Variants in NAALADL2 observed in about 807,000 individuals in gnomAD.
NAALADL2 encodes N-acetylated alpha-linked acidic dipeptidase like 2, also known as inactive N-acetylated-alpha-linked acidic dipeptidase-like protein 2.
In NAALADL2, 76 loss-of-function variants were observed where a neutral mutation model predicts 87.2. That is an observed-to-expected ratio of 0.87 (90% confidence interval 0.72 to 1.05). NAALADL2 has a LOEUF of 1.05. Ranked by LOEUF, NAALADL2 falls within the 50% of genes least tolerant of loss-of-function variation. The pLI, the probability that NAALADL2 is intolerant of heterozygous loss-of-function variation, is 0.00. For missense variants in NAALADL2, 1,089 were observed against 945.8 expected, an observed-to-expected ratio of 1.15 and a Z score of -1.99; for synonymous variants, 354 against 331.0, an observed-to-expected ratio of 1.07 and a Z score of -0.75.
chr3:175,238,019 G>A (rs1487904806), intron 3 of NAALADL2, among the ~76,000 whole-genome samples: 1 of 152,112 alleles, frequency 6.6e-6, no homozygotes. Flanking sequence ...TTTTTAAAAA[G>A]TTAATTATTT....
At chr3:175,047,698 A>G (rs1163316936) in intron 1 of NAALADL2, among the ~76,000 whole-genome samples, 1 of 152,168 alleles carries the variant, frequency 6.6e-6, no homozygotes, top group Non-Finnish European at 1.5e-5. Context: ...TTTTTCCTTT[A>G]GTATTTTGAT....
At chr3:175,374,577 AAAAAAAAAG>A (rs1766901488) in intron 5 of NAALADL2, among the ~76,000 whole-genome samples, 1 of 149,014 alleles carries the variant, frequency 6.7e-6, no homozygotes, top group African/African-American at 2.5e-5. Context: ...AAAAAAAAAA[AAAAAAAAAG>A]AAAGTTATAT....
At chr3:174,870,581 TAAC>T (rs1341139597) in intron 1 of NAALADL2, among the ~76,000 whole-genome samples, 1 of 141,304 alleles carries the variant, frequency 7.1e-6, no homozygotes, top group African/African-American at 2.7e-5. Context: ...TTATCAATAA[TAAC>T]AAAAAAATAA....
intron 3 of NAALADL2, among the ~76,000 whole-genome samples, chr3:174,853,705 T>A (rs112117534): frequency 6.6e-6 from 1 of 152,042 alleles, no homozygotes; most frequent in Non-Finnish European, 1.5e-5. Context: ...AATCTGATTT[T>A]AAAATGGGCC....
chr3:175,565,661 C>T (rs920093541), intron 9 of NAALADL2, among the ~76,000 whole-genome samples: 1 of 151,976 alleles, frequency 6.6e-6, no homozygotes, highest in Non-Finnish European at 1.5e-5. Flanking sequence ...GTTCTCTCCC[C>T]AGTGATATAT....
At chr3:175,513,077 C>T (rs1174397378) in intron 9 of NAALADL2, among the ~76,000 whole-genome samples, 1 of 152,166 alleles carries the variant, frequency 6.6e-6, no homozygotes, top group African/African-American at 2.4e-5. Context: ...GCCCCAGTTT[C>T]TGTGTGCTTC....
Position 174,485,140 on chromosome 3 carries a change from A to T in NAALADL2, c.-184+44108A>T, listed in dbSNP as rs528698022. 1.0e-3 allele frequency among the ~76,000 whole-genome samples: 152 copies of T among 152,152 alleles called. 1 individual carries two copies. The South Asian group carries it at 0.031, about 31-fold the overall frequency. ...ATTCATTCAATAGTGAATCAAAAATATTCAGAGGAAAAATAATAAAAAATA... is the reference window on the plus strand; with the variant it reads ...ATTCATTCAATAGTGAATCAAAAATTTTCAGAGGAAAAATAATAAAAAATA... On this transcript the variant is annotated intron_variant, in intron 1 of 3. Transcript: ENST00000434257.
intron 11 of NAALADL2, among the ~76,000 whole-genome samples, chr3:175,690,705 A>C (rs1012214822): frequency 6.6e-6 from 1 of 152,062 alleles, no homozygotes; most frequent in African/African-American, 2.4e-5. Flanking sequence ...TTTAGAATTT[A>C]GAGGGAGGAG....
intron 1 of NAALADL2, among the ~76,000 whole-genome samples, chr3:174,900,823 A>C (rs1473324192): frequency 6.6e-5 from 10 of 152,118 alleles, no homozygotes. Flanking sequence ...TTAAAAGCAG[A>C]AAAATGTTCA....
chr3:175,407,942 A>C (rs953828962), intron 5 of NAALADL2, among the ~76,000 whole-genome samples: 1 of 152,180 alleles, frequency 6.6e-6, no homozygotes. Context: ...ATATTTTTGT[A>C]ATGGTCTGCC....
At chr3:175,585,835 A>G (rs776151636) in intron 10 of NAALADL2, among the ~76,000 whole-genome samples, 39 of 152,076 alleles carry the variant, frequency 2.6e-4, no homozygotes, top group Non-Finnish European at 4.3e-4. Flanking sequence ...CATTTGTTCT[A>G]TCCCTTGTTT....
intron 1 of NAALADL2, among the ~76,000 whole-genome samples, chr3:174,869,292 A>G (rs1727509102): frequency 6.6e-6 from 1 of 152,092 alleles, no homozygotes; most frequent in Non-Finnish European, 1.5e-5. Context: ...CACTTTGGAA[A>G]TGGGAGAAAG....
chr3:175,519,447 G>A (rs1378278411), intron 9 of NAALADL2, among the ~76,000 whole-genome samples: 1 of 152,154 alleles, frequency 6.6e-6, no homozygotes, highest in Non-Finnish European at 1.5e-5. Context: ...TTCAACATGG[G>A]TTTTGGAAGG....
intron 2 of NAALADL2, among the ~76,000 whole-genome samples, chr3:175,114,758 G>A (rs1448662821): frequency 6.6e-6 from 1 of 151,572 alleles, no homozygotes; most frequent in African/African-American, 2.4e-5. Context: ...AATTATGCCT[G>A]CAATATGAAG....
intron 2 of NAALADL2, among the ~76,000 whole-genome samples, chr3:174,674,474 A>G (rs958633198): frequency 6.6e-6 from 1 of 152,028 alleles, no homozygotes; most frequent in African/African-American, 2.4e-5. Flanking sequence ...CTTTGTTTCA[A>G]GGGATGATGT....
intron 2 of NAALADL2, among the ~76,000 whole-genome samples, chr3:174,630,546 C>T (rs562238116): frequency 2.6e-5 from 4 of 152,258 alleles, no homozygotes; most frequent in Admixed American, 6.5e-5. Flanking sequence ...TCATGGTTCA[C>T]GGTTACCTTT....
chr3:175,751,869 G>A (rs1376354901), intron 12 of NAALADL2, among the ~76,000 whole-genome samples: 1 of 151,942 alleles, frequency 6.6e-6, no homozygotes, highest in African/African-American at 2.4e-5. Flanking sequence ...TGGGGTTTTT[G>A]TAGGGCATAT....
In NAALADL2 at chr3:175,185,745, AATT is replaced by A. The variant is rs997881438; in HGVS notation, c.546-48182_546-48180del. On this transcript the variant is annotated intron_variant, in intron 2 of 13. Transcript: ENST00000454872. Reference sequence around the variant, plus strand: ...TATAATTGTATAAGCTTTTTTATATAATTATTTTATATAATTATATAAGCCTTT... The same window carrying A: ...TATAATTGTATAAGCTTTTTTATATAATTTTATATAATTATATAAGCCTTT... Among the ~76,000 whole-genome samples, 208 of 150,382 alleles carry A rather than the reference AATT, an allele frequency of 1.4e-3. 1 individual carries two copies. Among genetic ancestry groups the A allele is most frequent in the African/African-American group, 4.9e-3 (201 of 41,284 alleles).
intron 9 of NAALADL2, among the ~76,000 whole-genome samples, chr3:175,552,921 G>A (rs1474164108): frequency 6.6e-6 from 1 of 151,936 alleles, no homozygotes; most frequent in African/African-American, 2.4e-5. Flanking sequence ...GATACTTCTG[G>A]TGACAAATAG....
Sources: gnomAD v4.1 joint callset for allele counts (sites outside exome capture counted in the v4.1 genomes callset) on GRCh38, gnomAD v4.1.1 for gene constraint, MANE v1.5 for transcripts, NCBI Gene and HGNC (gene_info 2026-07-23, HGNC 2026-07-21) for gene names.